TRMT10B: variants seen among roughly 807,000 people sequenced by gnomAD.
The protein encoded by TRMT10B is tRNA methyltransferase 10B, also known as tRNA methyltransferase 10 homolog B.
A neutral mutation model predicts 43.8 loss-of-function variants in TRMT10B; 33 were observed. The ratio of observed to expected loss-of-function variants is 0.75; its 90% CI spans 0.57 to 1.01. The LOEUF (loss-of-function observed/expected upper bound fraction) is 1.01. TRMT10B is among the 50% of genes least tolerant of loss of function. The pLI, the probability that TRMT10B is intolerant of heterozygous loss-of-function variation, is 0.00. For synonymous variants in TRMT10B, 137 were observed against 130.6 expected (o/e 1.05, Z -0.34); for missense variants, 362 against 369.8 (o/e 0.98, Z 0.17).
chr9:37,776,072 TCTTGGTTCTAAGTGGCAGTGAGTGGAGGA>T (rs1215524929), intron 7 of TRMT10B, among the ~76,000 whole-genome samples, 181 bp from the exon 8 acceptor site: 1 of 152,186 alleles, frequency 6.6e-6, no homozygotes, highest in Non-Finnish European at 1.5e-5. Context: ...CTTATTTCCC[TCTTGGTTCTAAGTGGCAGTGAGTGGAGGA>T]CTGTGGATGA....
intron 3 of TRMT10B, 105 bp from the exon 4 acceptor site, chr9:37,763,524 C>G: frequency 1.1e-6 from 1 of 931,088 alleles, no homozygotes; most frequent in Non-Finnish European, 1.6e-6. Flanking sequence ...ACATCAGTAT[C>G]AAGTTTCTCT....
chr9:37,753,343 C>T (rs1024372028), upstream of TRMT10B, among the ~76,000 whole-genome samples: 3 of 152,316 alleles, frequency 2.0e-5, no homozygotes, highest in East Asian at 1.9e-4. Context: ...TGTCAGTCCC[C>T]GTTGGGCCTA....
At chr9:37,756,078 C>T (rs943904428) in intron 1 of TRMT10B, among the ~76,000 whole-genome samples, 3 of 152,208 alleles carry the variant, frequency 2.0e-5, no homozygotes, top group African/African-American at 7.2e-5. Flanking sequence ...GCCTCCCAGT[C>T]ATTCCCCAAC....
intron 6 of TRMT10B, 58 bp from the exon 7 acceptor site, chr9:37,770,613 CT>C: frequency 6.9e-7 from 1 of 1,459,182 alleles, no homozygotes; most frequent in Non-Finnish European, 9.5e-7. Context: ...ATTTTGCTTT[CT>C]CTGGATTTAG....
intron 4 of TRMT10B, among the ~76,000 whole-genome samples, chr9:37,764,344 C>CA (rs1826754133): frequency 8.3e-6 from 1 of 120,746 alleles, no homozygotes; most frequent in South Asian, 2.7e-4. Context: ...TTTTTGGAGA[C>CA]AGAGTCTCAC....
intron 5 of TRMT10B, 61 bp from the exon 6 acceptor site, chr9:37,769,880 G>A (rs1589035795): frequency 7.3e-7 from 1 of 1,363,980 alleles, no homozygotes; most frequent in East Asian, 2.3e-5. Context: ...TGGGATTACA[G>A]ACGTGAGCCA....
chr9:37,755,344 T>C lies in TRMT10B; in HGVS notation c.-30+1492T>C, dbSNP rs143505808. 7.2e-3 allele frequency among the ~76,000 whole-genome samples: 1,084 copies of C among 150,254 alleles called. 11 individuals carry two copies. Among genetic ancestry groups the C allele is most frequent in the African/African-American group, 0.025 (1,030 of 40,790 alleles). On this transcript the variant is annotated intron_variant, in intron 1 of 8. Coordinates refer to ENST00000297994, the MANE Select transcript of TRMT10B (RefSeq NM_144964.4). ...AAGCTCTGGAGCTGGACAGTGGTGATGGTGGCACACAATGTGGATGCCCTT... is the reference window on the plus strand; with the variant it reads ...AAGCTCTGGAGCTGGACAGTGGTGACGGTGGCACACAATGTGGATGCCCTT...
intron 7 of TRMT10B, among the ~76,000 whole-genome samples, chr9:37,771,294 TAAATATA>T (rs1306554546): frequency 3.3e-5 from 5 of 152,174 alleles, no homozygotes; most frequent in African/African-American, 1.2e-4. Flanking sequence ...GACTAACATA[TAAATATA>T]AAAGAGTAGA....
intron 1 of TRMT10B, among the ~76,000 whole-genome samples, chr9:37,758,279 G>C (rs901915500): frequency 2.4e-4 from 36 of 152,142 alleles, no homozygotes; most frequent in Non-Finnish European, 7.4e-5. Context: ...GGGCATGGTG[G>C]TGTGCACCTG....
upstream of TRMT10B, among the ~76,000 whole-genome samples, chr9:37,753,131 C>G (rs144401778): frequency 5.3e-5 from 8 of 152,168 alleles, no homozygotes; most frequent in East Asian, 1.5e-3. Flanking sequence ...TTGCGAAGAT[C>G]TGCAGCTTCA....
At chr9:37,767,798 TAAAAGC>T (rs1266144344) in intron 4 of TRMT10B, among the ~76,000 whole-genome samples, 2 of 152,164 alleles carry the variant, frequency 1.3e-5, no homozygotes, top group Non-Finnish European at 2.9e-5. Flanking sequence ...AGATTTTAGA[TAAAAGC>T]TAAAATAAGA....
In TRMT10B at chr9:37,762,389, A is replaced by C. The variant is rs1826444808; in HGVS notation, c.187-188A>C. On this transcript the variant is annotated intron_variant, in intron 2 of 8. Coordinates refer to ENST00000297994, the MANE Select transcript of TRMT10B (RefSeq NM_144964.4). ...AATTTTCTGTGACCTTGACCAGGTC[A>C]TGTCTCTTTTTCTGGGGCTCTGTTT... is the stretch of plus-strand genomic sequence containing the variant. Among the ~76,000 whole-genome samples the C allele has an allele frequency of 2.0e-5, 3 of 152,144 alleles. No individual in the cohort carries two copies. The South Asian group carries it at 6.2e-4, about 31-fold the overall frequency.
intron 7 of TRMT10B, among the ~76,000 whole-genome samples, chr9:37,771,420 G>GTTTGTGGGTA (rs1827567217): frequency 6.6e-6 from 1 of 151,780 alleles, no homozygotes; most frequent in Non-Finnish European, 1.5e-5. Flanking sequence ...CAAAGTATGT[G>GTTTGTGGGTA]TTTGTGGGTA....
chr9:37,760,321 CAAAAT>C (rs1012178521), intron 1 of TRMT10B, among the ~76,000 whole-genome samples: 4 of 152,162 alleles, frequency 2.6e-5, no homozygotes, highest in Admixed American at 6.5e-5. Context: ...GACTCCATCT[CAAAAT>C]AAGTAATTTA....
intron 7 of TRMT10B, among the ~76,000 whole-genome samples, chr9:37,774,861 G>A (rs1344966489): frequency 1.3e-5 from 2 of 152,146 alleles, no homozygotes; most frequent in African/African-American, 4.8e-5. Context: ...AAATGATACT[G>A]GACTAGCTTA....
intron 8 of TRMT10B, 21 bp from the exon 9 acceptor site, chr9:37,777,580 T>C (rs1421195511): frequency 6.3e-7 from 1 of 1,584,834 alleles, no homozygotes; most frequent in African/African-American, 1.3e-5. Context: ...GTCACTGTGT[T>C]TTCTGTTTAC....
chr9:37,772,740 TAGGG>T (rs1049263537), intron 7 of TRMT10B, among the ~76,000 whole-genome samples: 8 of 152,140 alleles, frequency 5.3e-5, no homozygotes, highest in African/African-American at 1.2e-4. Flanking sequence ...TCCCAGCACT[TAGGG>T]AGGCCCAAGG....
intron 1 of TRMT10B, among the ~76,000 whole-genome samples, chr9:37,756,088 C>T (rs1468776920): frequency 6.6e-6 from 1 of 152,202 alleles, no homozygotes; most frequent in East Asian, 1.9e-4. Context: ...CATTCCCCAA[C>T]AGGCCCCGGC....
chr9:37,763,604 T>C, intron 3 of TRMT10B, 25 bp from the exon 4 acceptor site: 6 of 1,602,406 alleles, frequency 3.7e-6, no homozygotes, highest in Non-Finnish European at 5.1e-6. Context: ...TCCACTTTTA[T>C]TTCTTTCTGA....
Sources: gnomAD v4.1 joint callset for allele counts (sites outside exome capture counted in the v4.1 genomes callset) on GRCh38, gnomAD v4.1.1 for gene constraint, MANE v1.5 for transcripts, NCBI Gene and HGNC (gene_info 2026-07-23, HGNC 2026-07-21) for gene names.